The following PLLP variants were observed in gnomAD, a reference collection of about 807,000 sequenced individuals.
The protein encoded by PLLP is plasma membrane proteolipid (plasmolipin).
In PLLP, 15 loss-of-function variants were observed where a neutral mutation model predicts 19.7. The ratio of observed to expected loss-of-function variants is 0.76; its 90% CI spans 0.51 to 1.17. The LOEUF (loss-of-function observed/expected upper bound fraction) is 1.17, where lower values mean the gene tolerates loss of function less well. Among genes scored for constraint, PLLP ranks in the 50% most tolerant of loss-of-function variants. The pLI, the probability that PLLP is intolerant of heterozygous loss-of-function variation, is 0.00. For synonymous variants in PLLP, 111 were observed against 116.3 expected, an observed-to-expected ratio of 0.95 and a Z score of 0.29; for missense variants, 255 against 258.3, an observed-to-expected ratio of 0.99 and a Z score of 0.09.
chr16:57,270,536 C>G (rs1354104977), intron 1 of PLLP, among the ~76,000 whole-genome samples: 1 of 151,962 alleles, frequency 6.6e-6, no homozygotes. Context: ...CAAGGACACT[C>G]AGAACTCAGC....
intron 1 of PLLP, among the ~76,000 whole-genome samples, chr16:57,275,757 G>C (rs12149232): frequency 6.6e-6 from 1 of 150,446 alleles, no homozygotes; most frequent in African/African-American, 2.4e-5. Context: ...TTAAGGCAAA[G>C]ACCAACCACA....
chr16:57,284,301 G>A (rs1901254992), intron 1 of PLLP, 105 bp downstream of exon 1: 1 of 1,040,182 alleles, frequency 9.6e-7, no homozygotes, highest in Non-Finnish European at 1.3e-6. Flanking sequence ...GCCCGGGTGG[G>A]GAGCGCAAGG....
intron 1 of PLLP, among the ~76,000 whole-genome samples, chr16:57,282,240 T>TTG (rs1204187367): frequency 6.7e-6 from 1 of 149,142 alleles, no homozygotes; most frequent in Admixed American, 6.6e-5. Context: ...TTTTTTTTTT[T>TTG]TGTGTGTGTG....
chr16:57,259,759 T>C (rs1312222141), intron 2 of PLLP, among the ~76,000 whole-genome samples: 1 of 152,084 alleles, frequency 6.6e-6, no homozygotes, highest in Non-Finnish European at 1.5e-5. Context: ...GGCAGATCAC[T>C]TGAGGTCAGA....
chr16:57,277,088 A>G (rs1901163107), intron 1 of PLLP, among the ~76,000 whole-genome samples: 1 of 152,230 alleles, frequency 6.6e-6, no homozygotes, highest in Non-Finnish European at 1.5e-5. Context: ...GCTAGACTAT[A>G]TATCTTGGGG....
At chr16:57,274,596 G>A (rs1171035033) in intron 1 of PLLP, among the ~76,000 whole-genome samples, 1 of 151,712 alleles carries the variant, frequency 6.6e-6, no homozygotes, top group Non-Finnish European at 1.5e-5. Context: ...GGGACTACAT[G>A]TACGCACCAC....
intron 1 of PLLP, among the ~76,000 whole-genome samples, chr16:57,267,229 A>T (rs906581658): frequency 6.6e-5 from 10 of 152,130 alleles, no homozygotes; most frequent in African/African-American, 2.4e-4. Context: ...TCCCCAAAAT[A>T]TGTTCAAGTT....
intron 1 of PLLP, among the ~76,000 whole-genome samples, chr16:57,262,474 T>A (rs1301767257): frequency 2.0e-5 from 3 of 151,866 alleles, no homozygotes; most frequent in Non-Finnish European, 4.4e-5. Flanking sequence ...ATTGCTTGAA[T>A]CTGGGAGGCA....
intron 1 of PLLP, among the ~76,000 whole-genome samples, chr16:57,263,725 C>T (rs2075448777): frequency 6.6e-6 from 1 of 151,344 alleles, no homozygotes; most frequent in East Asian, 2.0e-4. Context: ...CCCCTCCTAC[C>T]CCCACCCACC....
At chr16:57,262,802 T>G (rs1243816730) in intron 1 of PLLP, among the ~76,000 whole-genome samples, 2 of 152,112 alleles carry the variant, frequency 1.3e-5, no homozygotes, top group Non-Finnish European at 2.9e-5. Context: ...ACCGGGGCCC[T>G]GCCCTGCACT....
intron 1 of PLLP, among the ~76,000 whole-genome samples, chr16:57,274,835 C>T (rs1420142901): frequency 1.3e-5 from 2 of 151,966 alleles, no homozygotes; most frequent in African/African-American, 2.4e-5. Flanking sequence ...GATCTTGTCT[C>T]ACTGCAAGCT....
chr16:57,258,846 G>A (rs768054913), intron 2 of PLLP, among the ~76,000 whole-genome samples: 6 of 149,442 alleles, frequency 4.0e-5, no homozygotes, highest in African/African-American at 7.4e-5. Flanking sequence ...ACCTGGAGCC[G>A]GGAGGTTGAG....
rs527798678 is a variant in PLLP, at chr16:57,260,579, C to T, written c.309+1318G>A. Among the ~76,000 whole-genome samples, 3 of 152,298 alleles carry T rather than the reference C, an allele frequency of 2.0e-5. No individual in the cohort carries two copies. The South Asian group carries it at 6.2e-4, about 32-fold the overall frequency. Reference sequence around the variant, plus strand: ...CCTCGGTTTAAAAAGTCATTGAATTCCAAACAATGCCGCCTAGTCCCAGCC... The same window carrying T: ...CCTCGGTTTAAAAAGTCATTGAATTTCAAACAATGCCGCCTAGTCCCAGCC... On this transcript the variant is annotated intron_variant, in intron 2 of 3. Transcript: ENST00000219207.
chr16:57,270,180 T>C (rs1597962462), intron 1 of PLLP, among the ~76,000 whole-genome samples: 2 of 140,372 alleles, frequency 1.4e-5, no homozygotes. Context: ...CCAAACACAG[T>C]CCCCGAGTCT....
At chr16:57,278,562 A>G (rs1901181462) in intron 1 of PLLP, among the ~76,000 whole-genome samples, 1 of 152,158 alleles carries the variant, frequency 6.6e-6, no homozygotes, top group Non-Finnish European at 1.5e-5. Context: ...GTAATTACAC[A>G]TTAATTCCCA....
chr16:57,257,014 C>T lies in PLLP; in HGVS notation c.448G>A (p.Val150Met), dbSNP rs145234410. 658 of 1,613,326 alleles carry T rather than the reference C, an allele frequency of 4.1e-4. 1 individual carries two copies. The highest frequency in any genetic ancestry group is 4.9e-4 in the Non-Finnish European group (579 of 1,179,338). ...GCACTCACTCCATAGGCGATCATCA[C>T]CAAACACGCAAAGAACTGAAAGAGA... ...RAAASFFACLVMIAYGVSAFF... is the reference protein window; with the variant it reads ...RAAASFFACLMMIAYGVSAFF... The change falls in exon 4 of 4, where the codon GTG becomes ATG. Residue 150 changes from valine to methionine, a missense_variant. Coordinates refer to ENST00000219207, the MANE Select transcript of PLLP (RefSeq NM_015993.3).
chr16:57,271,135 C>T (rs2075473721), intron 1 of PLLP, among the ~76,000 whole-genome samples: 1 of 152,142 alleles, frequency 6.6e-6, no homozygotes, highest in Admixed American at 6.6e-5. Context: ...ATTCCTGAGT[C>T]CTGGGTCTCA....
chr16:57,280,498 T>TA (rs1901206385), intron 1 of PLLP, among the ~76,000 whole-genome samples: 1 of 152,226 alleles, frequency 6.6e-6, no homozygotes, highest in African/African-American at 2.4e-5. Context: ...CCTTTTTTTT[T>TA]TAAAACCAAA....
chr16:57,264,350 G>C (rs1032918313), intron 1 of PLLP, among the ~76,000 whole-genome samples: 1 of 152,354 alleles, frequency 6.6e-6, no homozygotes, highest in East Asian at 1.9e-4. Flanking sequence ...AAGCTGTGTG[G>C]CTGTGTGATG....
Sources: allele counts gnomAD v4.1 joint callset (sites outside exome capture counted in the v4.1 genomes callset), GRCh38; gene constraint gnomAD v4.1.1; transcripts MANE v1.5; gene names NCBI Gene and HGNC (gene_info 2026-07-23, HGNC 2026-07-21).